The following MGST2 variants were observed in gnomAD, a reference collection of about 807,000 sequenced individuals.
MGST2 encodes glutathione peroxidase MGST2.
Under a neutral mutation model 16.6 loss-of-function variants are expected in MGST2, and 9 were observed. The ratio of observed to expected loss-of-function variants is 0.54; its 90% CI spans 0.33 to 0.95. The LOEUF (loss-of-function observed/expected upper bound fraction) is 0.95, where lower values mean the gene tolerates loss of function less well. Among genes scored for constraint, MGST2 ranks in the 40% least tolerant of loss-of-function variants. The pLI is 0.03. For missense variants in MGST2, 159 were observed against 175.1 expected, an observed-to-expected ratio of 0.91 and a Z score of 0.52; for synonymous variants, 79 against 68.0, an observed-to-expected ratio of 1.16 and a Z score of -0.79.
chr4:139,703,642 G>T (rs1196390377), intron 4 of MGST2, 106 bp downstream of exon 4: 1 of 1,060,910 alleles, frequency 9.4e-7, no homozygotes, highest in Non-Finnish European at 1.4e-6. Flanking sequence ...AGTTGTGGTG[G>T]CAAAAGTAAT....
intron 3 of MGST2, among the ~76,000 whole-genome samples, chr4:139,700,939 A>G (rs979006826): frequency 1.3e-5 from 2 of 152,356 alleles, no homozygotes; most frequent in East Asian, 1.9e-4. Context: ...AGGCAACCCC[A>G]TCACTCTCTT....
At chr4:139,721,008 T>C (rs750756146) in intron 5 of MGST2, among the ~76,000 whole-genome samples, 2 of 152,240 alleles carry the variant, frequency 1.3e-5, no homozygotes, top group Non-Finnish European at 1.5e-5. Context: ...ATGCTCCAGA[T>C]TCTCTGAATC....
intron 2 of MGST2, among the ~76,000 whole-genome samples, chr4:139,681,779 A>G (rs937306263): frequency 1.3e-5 from 2 of 152,174 alleles, no homozygotes; most frequent in Non-Finnish European, 2.9e-5. Flanking sequence ...ACTTCTGTGT[A>G]CCGGGCATTG....
chr4:139,744,486 C>G (rs1416752408), downstream of MGST2, among the ~76,000 whole-genome samples: 3 of 152,222 alleles, frequency 2.0e-5, no homozygotes, highest in African/African-American at 7.2e-5. Context: ...GGCTAACATG[C>G]AAATATTGCT....
intron 5 of MGST2, chr4:139,725,881 C>A (rs756137721): frequency 2.0e-6 from 3 of 1,481,374 alleles, no homozygotes; most frequent in Non-Finnish European, 2.8e-6. Flanking sequence ...AGATAGGGAG[C>A]AAGCACACAA....
In MGST2 at chr4:139,667,536, T is replaced by C. The variant is rs543470742; in HGVS notation, c.58+1459T>C. On this transcript the variant is annotated intron_variant, in intron 1 of 4. Transcript: ENST00000265498. ...AGAGGAGAGGAGACTGGGTGAATGA[T>C]GATTAATGGTGGACAGGGAATGTTT... Among the ~76,000 whole-genome samples the C allele has an allele frequency of 2.6e-5, 4 of 151,860 alleles. No individual in the cohort carries two copies. The East Asian group carries it at 5.8e-4, about 22-fold the overall frequency.
chr4:139,666,121 T>TG (rs1553943715), intron 1 of MGST2, 44 bp downstream of exon 1: 1 of 557,190 alleles, frequency 1.8e-6, no homozygotes, highest in Non-Finnish European at 2.3e-6. Context: ...TGTGTGCGTG[T>TG]GTGTGTGTGT....
intron 2 of MGST2, among the ~76,000 whole-genome samples, chr4:139,679,400 A>T (rs891342122): frequency 6.6e-6 from 1 of 152,200 alleles, no homozygotes; most frequent in East Asian, 1.9e-4. Flanking sequence ...TTTGATACAG[A>T]TGAACCTAGT....
intron 3 of MGST2, among the ~76,000 whole-genome samples, chr4:139,695,849 C>T (rs907283584): frequency 2.0e-5 from 3 of 152,138 alleles, no homozygotes; most frequent in Non-Finnish European, 2.9e-5. Context: ...CTACAGTTGA[C>T]TCGAACAATG....
At chr4:139,722,052 A>G (rs72946539) in intron 5 of MGST2, among the ~76,000 whole-genome samples, 4,508 of 152,304 alleles carry the variant, frequency 0.03, 184 homozygotes, top group African/African-American at 0.094. Flanking sequence ...GAAATAGATG[A>G]AAGGACATCT....
At chr4:139,729,947 C>T (rs1728633754) in intron 5 of MGST2, among the ~76,000 whole-genome samples, 1 of 152,190 alleles carries the variant, frequency 6.6e-6, no homozygotes, top group African/African-American at 2.4e-5. Flanking sequence ...TGCTATTGTT[C>T]CTGATCCATT....
At chr4:139,670,640 G>A (rs1274528217) in intron 1 of MGST2, among the ~76,000 whole-genome samples, 2 of 152,182 alleles carry the variant, frequency 1.3e-5, no homozygotes, top group Non-Finnish European at 2.9e-5. Flanking sequence ...GTGGCCAGGT[G>A]TGGTGGTTCA....
chr4:139,703,808 G>C (rs2110909197), intron 4 of MGST2, among the ~76,000 whole-genome samples: 1 of 152,326 alleles, frequency 6.6e-6, no homozygotes, highest in East Asian at 1.9e-4. Flanking sequence ...ATCCTGCCTA[G>C]CCTTGATAAT....
rs1407407153 is a variant in MGST2, at chr4:139,719,362, C to T, written c.*48+15166C>T. 2.5e-6 allele frequency: 4 copies of T among 1,608,204 alleles called. No homozygotes were observed. The East Asian group carries it at 8.9e-5, about 36-fold the overall frequency. On this transcript the variant is annotated intron_variant, in intron 5 of 5. Transcript: ENST00000616265. ...ACAATTCATCAAGCTCCTGCATCCACTCGTCCCCTGGCCCGCCTTTGATGA... is the reference window on the plus strand; with the variant it reads ...ACAATTCATCAAGCTCCTGCATCCATTCGTCCCCTGGCCCGCCTTTGATGA...
At chr4:139,723,822 G>C (rs1039111132) in intron 5 of MGST2, among the ~76,000 whole-genome samples, 1 of 152,158 alleles carries the variant, frequency 6.6e-6, no homozygotes, top group South Asian at 2.1e-4. Context: ...GCTCTCAAGC[G>C]TGGTTCCCTA....
At position 139,704,130 on chromosome 4, in the gene MGST2, A is replaced by G; in HGVS notation, c.426A>G (p.Lys142=). Residue 142 remains lysine (K), a synonymous_variant, in exon 5 of 5, where the codon AAA becomes AAG. Transcript: ENST00000265498. ...ATCTGGACCTCAATATTGCCAAGAA[A>G]CTGAGGCGGCAATTCTAACTTTTTC... ...DEYLDLNIAK[K]LRRQF 1 of 1,614,190 alleles carries G rather than the reference A, an allele frequency of 6.2e-7. No individual in the cohort carries two copies. Among genetic ancestry groups the G allele is most frequent in the Admixed American group, 1.7e-5 (1 of 60,030 alleles).
At chr4:139,718,737 T>A (rs2110949466) in intron 5 of MGST2, 1 of 153,786 alleles carries the variant, frequency 6.5e-6, no homozygotes, top group Middle Eastern at 3.4e-3. Context: ...TGTCTCCTTT[T>A]GACAATCTCA....
intron 5 of MGST2, among the ~76,000 whole-genome samples, chr4:139,722,004 A>T (rs1286296137): frequency 6.6e-6 from 1 of 152,218 alleles, no homozygotes; most frequent in African/African-American, 2.4e-5. Flanking sequence ...GATTGATTGG[A>T]TAGACCCAAA....
chr4:139,668,139 T>G (rs1730470327), intron 1 of MGST2, among the ~76,000 whole-genome samples: 1 of 152,224 alleles, frequency 6.6e-6, no homozygotes, highest in Admixed American at 6.5e-5. Flanking sequence ...AAAGATTTTC[T>G]GATTGGCAAT....
Sources: allele counts gnomAD v4.1 joint callset (sites outside exome capture counted in the v4.1 genomes callset), GRCh38; gene constraint gnomAD v4.1.1; transcripts MANE v1.5; gene names NCBI Gene and HGNC (gene_info 2026-07-23, HGNC 2026-07-21).